SYBU: variants seen among roughly 807,000 people sequenced by gnomAD.
The protein encoded by SYBU is GOLSYN A protein.
Under a neutral mutation model 35.9 loss-of-function variants are expected in SYBU, and 21 were observed. The ratio of observed to expected loss-of-function variants is 0.58; its 90% CI spans 0.41 to 0.84. SYBU has a LOEUF of 0.84. Among genes scored for constraint, SYBU ranks in the 40% least tolerant of loss-of-function variants. The pLI is 0.00. For synonymous variants in SYBU, 319 were observed against 324.3 expected (o/e 0.98, Z 0.18); for missense variants, 768 against 848.2 (o/e 0.91, Z 1.17).
intron 2 of SYBU, among the ~76,000 whole-genome samples, chr8:109,633,042 T>C (rs1171507843): frequency 1.3e-5 from 2 of 152,252 alleles, no homozygotes; most frequent in Non-Finnish European, 2.9e-5. Flanking sequence ...GATTTCACTT[T>C]GGCAAAAAGC....
chr8:109,683,743 T>C (rs1817457538), upstream of SYBU, among the ~76,000 whole-genome samples: 1 of 152,144 alleles, frequency 6.6e-6, no homozygotes. Context: ...ACTTAAATTG[T>C]AGTTCCCATA....
intron 2 of SYBU, among the ~76,000 whole-genome samples, chr8:109,622,674 A>G (rs1812562361): frequency 6.6e-6 from 1 of 152,208 alleles, no homozygotes; most frequent in African/African-American, 2.4e-5. Context: ...CAGTTAAACT[A>G]TGGGAATGTG....
chr8:109,642,663 C>T (rs1395741274), intron 2 of SYBU, 65 bp downstream of exon 2: 2 of 1,135,858 alleles, frequency 1.8e-6, no homozygotes, highest in African/African-American at 1.6e-5. Flanking sequence ...CAGTATGGGC[C>T]CATTCACAAT....
chr8:109,628,820 C>CAAA (rs11300595), intron 2 of SYBU, among the ~76,000 whole-genome samples: 8 of 146,312 alleles, frequency 5.5e-5, no homozygotes, highest in African/African-American at 1.7e-4. Flanking sequence ...ACATCCGTCT[C>CAAA]AAAAAAAAAA....
intron 1 of SYBU, among the ~76,000 whole-genome samples, chr8:109,663,850 ACTT>A (rs1279835334): frequency 6.6e-6 from 1 of 152,162 alleles, no homozygotes; most frequent in African/African-American, 2.4e-5. Flanking sequence ...GTTGTCCTAT[ACTT>A]CTGATTTAAA....
At chr8:109,622,181 GTAT>G (rs1812473228) in intron 2 of SYBU, among the ~76,000 whole-genome samples, 2 of 146,358 alleles carry the variant, frequency 1.4e-5, no homozygotes, top group Non-Finnish European at 3.0e-5. Flanking sequence ...AATAATATGA[GTAT>G]CTATCTATCT....
At chr8:109,617,576 T>G (rs547821069) in intron 3 of SYBU, among the ~76,000 whole-genome samples, 1 of 152,300 alleles carries the variant, frequency 6.6e-6, no homozygotes, top group South Asian at 2.1e-4. Flanking sequence ...TGGCTAAAAT[T>G]TCATGACATT....
At chr8:109,644,972 T>G, upstream of SYBU, 3 of 502,018 alleles carry the variant, frequency 6.0e-6, no homozygotes, top group African/African-American at 2.0e-5. Context: ...CCCGCCCGAT[T>G]TCCCCACGGC....
chr8:109,637,014 C>T (rs1369973379), intron 2 of SYBU, among the ~76,000 whole-genome samples: 2 of 152,184 alleles, frequency 1.3e-5, no homozygotes, highest in East Asian at 1.9e-4. Context: ...CCTTATTCAT[C>T]TTGTGATGCT....
chr8:109,614,386 CA>C (rs1359317335), intron 3 of SYBU, among the ~76,000 whole-genome samples: 4 of 152,206 alleles, frequency 2.6e-5, no homozygotes, highest in African/African-American at 4.8e-5. Context: ...AAACTGACTG[CA>C]AACTAAATAC....
intron 1 of SYBU, among the ~76,000 whole-genome samples, chr8:109,671,206 C>T (rs1393265361): frequency 6.6e-6 from 1 of 151,950 alleles, no homozygotes; most frequent in Non-Finnish European, 1.5e-5. Flanking sequence ...TCATTAAATT[C>T]AAGACAAATC....
Position 109,575,505 on chromosome 8 carries a change from C to A in SYBU, c.1393G>T (p.Ala465Ser). ...ATGGGCAGCAGCTCCAGGACGTTAG[C>A]CCCAGGGGTGGAATGCACAAGCTCC... ...DLELVHSTPG[A>S]NVLELLPIVM... Residue 465 changes from alanine to serine, a missense_variant, in exon 7 of 7, where the codon GCT becomes TCT. Transcript: ENST00000276646. The A allele has an allele frequency of 6.2e-7, 1 of 1,614,124 alleles. No individual in the cohort carries two copies. Among genetic ancestry groups the A allele is most frequent in the Non-Finnish European group, 8.5e-7 (1 of 1,180,026 alleles).
chr8:109,657,871 A>C (rs1816413552), intron 1 of SYBU, among the ~76,000 whole-genome samples: 1 of 152,222 alleles, frequency 6.6e-6, no homozygotes, highest in African/African-American at 2.4e-5. Context: ...ATTTATACTC[A>C]ATAATTTCAA....
chr8:109,576,609 A>T (rs1238782204), intron 6 of SYBU, among the ~76,000 whole-genome samples: 1 of 152,178 alleles, frequency 6.6e-6, no homozygotes, highest in African/African-American at 2.4e-5. Context: ...AAATAATAAA[A>T]TGCTACACGT....
intron 6 of SYBU, among the ~76,000 whole-genome samples, chr8:109,577,443 A>G (rs1373949124): frequency 1.3e-5 from 2 of 151,996 alleles, no homozygotes; most frequent in Non-Finnish European, 2.9e-5. Context: ...CAGGAATCAC[A>G]ATGCACACAG....
chr8:109,618,405 C>T (rs140151963), intron 3 of SYBU, among the ~76,000 whole-genome samples: 2 of 152,108 alleles, frequency 1.3e-5, no homozygotes, highest in South Asian at 4.1e-4. Flanking sequence ...AGCAAGTATG[C>T]CCAGCTCTAC....
chr8:109,647,681 C>T (rs1371147046), upstream of SYBU: 6 of 152,212 alleles, frequency 3.9e-5, no homozygotes, highest in African/African-American at 1.4e-4. Flanking sequence ...ATAGATACAA[C>T]TTGTTTTGAA....
chr8:109,641,438 T>C (rs556498981), intron 2 of SYBU, among the ~76,000 whole-genome samples: 49 of 152,348 alleles, frequency 3.2e-4, no homozygotes, highest in Non-Finnish European at 5.6e-4. Context: ...AAGGCAAGTA[T>C]TATAATCTCA....
chr8:109,632,264 C>T (rs1467539655), intron 2 of SYBU, among the ~76,000 whole-genome samples: 3 of 152,320 alleles, frequency 2.0e-5, no homozygotes, highest in African/African-American at 7.2e-5. Flanking sequence ...TGGTCTCGAA[C>T]TCCTGACCTC....
Sources: allele counts gnomAD v4.1 joint callset (sites outside exome capture counted in the v4.1 genomes callset), GRCh38; gene constraint gnomAD v4.1.1; transcripts MANE v1.5; gene names NCBI Gene and HGNC (gene_info 2026-07-23, HGNC 2026-07-21).